The following ASAH2 variants were observed in gnomAD, a reference collection of about 807,000 sequenced individuals.
ASAH2 encodes the protein neutral ceramidase.
Under a neutral mutation model 82.9 loss-of-function variants are expected in ASAH2, and 58 were observed. The observed-to-expected ratio is 0.70, with a 90% CI of 0.57 to 0.87. The LOEUF is 0.87. Ranked by LOEUF, ASAH2 falls within the 40% of genes least tolerant of loss-of-function variation. ASAH2 has a pLI of 0.00. For missense variants in ASAH2, 779 were observed against 834.0 expected (o/e 0.93, Z 0.81); for synonymous variants, 276 against 289.7 (o/e 0.95, Z 0.48).
At position 50,214,875 on chromosome 10, in the gene ASAH2, A is replaced by G. The variant is rs1477500240; in HGVS notation, c.1015-7T>C. 2 of 1,613,286 alleles carry G rather than the reference A, an allele frequency of 1.2e-6. No individual in the cohort carries two copies. The highest frequency in any genetic ancestry group is 4.5e-5 in the East Asian group (2 of 44,864). On this transcript the variant is annotated splice_region_variant and splice_polypyrimidine_tract_variant and intron_variant, in intron 8 of 20. Coordinates refer to ENST00000682911, the MANE Select transcript of ASAH2 (RefSeq NM_019893.4). ...AGGCTGCTACAAATGGCCCCTGCCA[A>G]AAGAAATGCCAAGTTGCCTTTTATT...
rs1269281172 is a variant in ASAH2, at chr10:50,187,232, T to G, written c.*83A>C. On this transcript the variant is annotated 3_prime_UTR_variant, in exon 21 of 21. Coordinates refer to ENST00000682911, the MANE Select transcript of ASAH2 (RefSeq NM_019893.4). The stretch of plus-strand genomic sequence containing the variant: ...ACGATTATAGAAGTCAACATGGTAG[T>G]TCACTAGTTCACATTCATTTGAAAT... 1 of 97,626 alleles carries G rather than the reference T, an allele frequency of 1.0e-5. No homozygotes were observed. The highest frequency in any genetic ancestry group is 2.0e-5 in the Non-Finnish European group (1 of 48,888). The allele number at this position is 97,626 out of a possible 1,614,324, so 6.0% of individuals were successfully genotyped here.
At chr10:50,194,350 G>T (rs1323832188) in intron 18 of ASAH2, among the ~76,000 whole-genome samples, 1 of 151,520 alleles carries the variant, frequency 6.6e-6, no homozygotes, top group Non-Finnish European at 1.5e-5. Context: ...GAAAACCAAT[G>T]AATGTAAATA....
At chr10:50,240,706 C>T (rs891003799) in intron 4 of ASAH2, among the ~76,000 whole-genome samples, 10 of 152,358 alleles carry the variant, frequency 6.6e-5, no homozygotes, top group African/African-American at 2.4e-4. Flanking sequence ...TTGTGCCTCT[C>T]TGTGTTCATT....
chr10:50,202,724 C>G (rs1358652516), intron 16 of ASAH2, 105 bp downstream of exon 16: 2 of 827,668 alleles, frequency 2.4e-6, no homozygotes, highest in Admixed American at 1.8e-5. Context: ...ACATAATCAT[C>G]TCTCAGAAAC....
chr10:50,219,479 G>A (rs1845689211), intron 7 of ASAH2, among the ~76,000 whole-genome samples: 1 of 152,140 alleles, frequency 6.6e-6, no homozygotes, highest in Admixed American at 6.5e-5. Context: ...CCCTCACACA[G>A]GTGAAAAGGA....
chr10:50,193,294 G>A (rs1299785824), intron 18 of ASAH2, among the ~76,000 whole-genome samples: 13 of 151,684 alleles, frequency 8.6e-5, no homozygotes, highest in East Asian at 1.9e-4. Flanking sequence ...CAGAGTTTAC[G>A]GGCCACGGCA....
chr10:50,198,901 T>C, intron 17 of ASAH2, 150 bp downstream of exon 17: 1 of 838,552 alleles, frequency 1.2e-6, no homozygotes, highest in South Asian at 1.5e-5. Flanking sequence ...TTTTGTAAAA[T>C]ATAAAGGTTG....
intron 4 of ASAH2, among the ~76,000 whole-genome samples, chr10:50,238,104 G>A (rs574663015): frequency 1.6e-4 from 24 of 152,152 alleles, no homozygotes; most frequent in Non-Finnish European, 3.5e-4. Flanking sequence ...TTTCTGTGAT[G>A]TAAAAACTCC....
chr10:50,228,274 A>G (rs1362939828), intron 7 of ASAH2, among the ~76,000 whole-genome samples: 1 of 152,202 alleles, frequency 6.6e-6, no homozygotes, highest in Non-Finnish European at 1.5e-5. Context: ...AGATGAGATG[A>G]AAAAAAGAGA....
chr10:50,219,830 T>G (rs1845696658), intron 7 of ASAH2, among the ~76,000 whole-genome samples: 1 of 152,214 alleles, frequency 6.6e-6, no homozygotes, highest in Non-Finnish European at 1.5e-5. Flanking sequence ...TGCTAGTTGG[T>G]ACAATAGGGA....
intron 12 of ASAH2, among the ~76,000 whole-genome samples, chr10:50,207,096 T>C (rs1235990340): frequency 6.6e-6 from 1 of 151,746 alleles, no homozygotes; most frequent in African/African-American, 2.4e-5. Context: ...AAGGAAGAAA[T>C]CAAAGGAAAA....
At chr10:50,196,389 A>C (rs2133195608) in intron 18 of ASAH2, among the ~76,000 whole-genome samples, 2 of 151,760 alleles carry the variant, frequency 1.3e-5, no homozygotes, top group South Asian at 4.2e-4. Flanking sequence ...TCCCCCCAGA[A>C]AAACTGTTGA....
intron 17 of ASAH2, among the ~76,000 whole-genome samples, chr10:50,198,110 G>A (rs1432029992): frequency 6.6e-6 from 1 of 151,802 alleles, no homozygotes; most frequent in Admixed American, 6.6e-5. Flanking sequence ...AATTTTCAAC[G>A]TTCAATTGAT....
At chr10:50,244,520 A>G (rs1466848588) in intron 3 of ASAH2, among the ~76,000 whole-genome samples, 2 of 152,186 alleles carry the variant, frequency 1.3e-5, no homozygotes, top group Non-Finnish European at 2.9e-5. Context: ...GAGGGAGTGA[A>G]TCCCATCAGA....
At chr10:50,237,454 GT>G (rs1347950957) in intron 4 of ASAH2, among the ~76,000 whole-genome samples, 2 of 152,182 alleles carry the variant, frequency 1.3e-5, no homozygotes, top group African/African-American at 4.8e-5. Context: ...CATATGACTT[GT>G]TCTAAAACAA....
Position 50,245,235 on chromosome 10 carries a change from G to A in ASAH2, c.347C>T (p.Ala116Val), listed in dbSNP as rs748519739. ...VGRADCTGQV[A>V]DINLMGYGKS... is the part of the protein sequence containing the mutation. ...TTGTCTACTTGCCAAATTGATATCT[G>A]CTACTTGTCCTGTGCAGTCAGCTCG... Residue 116 changes from alanine to valine, a missense_variant, in exon 3 of 21, where the codon GCA (alanine) becomes GTA (valine). Physicochemically the swap from Ala to Val is moderately conservative, Grantham distance 64 (BLOSUM62 0). Coordinates refer to ENST00000682911, the MANE Select transcript of ASAH2 (RefSeq NM_019893.4). The A allele has an allele frequency of 1.2e-6, 2 of 1,613,552 alleles. No homozygotes were observed. Among genetic ancestry groups the A allele is most frequent in the South Asian group, 2.2e-5 (2 of 91,038 alleles).
chr10:50,228,050 A>T (rs1202185749), intron 7 of ASAH2, among the ~76,000 whole-genome samples: 1 of 152,194 alleles, frequency 6.6e-6, no homozygotes, highest in Non-Finnish European at 1.5e-5. Flanking sequence ...GGGGCCAAGC[A>T]CAGTGGCTCA....
chr10:50,243,769 T>A (rs1846370983), intron 3 of ASAH2, among the ~76,000 whole-genome samples: 1 of 152,246 alleles, frequency 6.6e-6, no homozygotes, highest in Non-Finnish European at 1.5e-5. Flanking sequence ...TCTACCTCCA[T>A]CCCACATTGC....
At position 50,204,864 on chromosome 10, in the gene ASAH2, A is replaced by C; in HGVS notation, c.1622T>G (p.Phe541Cys). 1 of 1,605,936 alleles carries C rather than the reference A, an allele frequency of 6.2e-7. No individual in the cohort carries two copies. The highest frequency in any genetic ancestry group is 8.5e-7 in the Non-Finnish European group (1 of 1,174,082). ...AGTAATAAAAAGAAAAACTTACGTA[A>C]ACTCCCCGGGGATGGCAGTTATGGC... ...SLAITAIPGE[F>C]TTMSGRRLRE... Residue 541 changes from phenylalanine (F) to cysteine (C), a missense_variant, in exon 14 of 21, where the codon TTT becomes TGT. This residue lies in a region of ASAH2 where 759 missense variants were observed against 755.2 expected (regional missense o/e 1.00). Coordinates refer to ENST00000682911, the MANE Select transcript of ASAH2 (RefSeq NM_019893.4).
Sources: gnomAD v4.1 joint callset for allele counts (sites outside exome capture counted in the v4.1 genomes callset) on GRCh38, gnomAD v4.1.1 for gene constraint, gnomAD v4.1.1 regional missense constraint, MANE v1.5 for transcripts, NCBI Gene and HGNC (gene_info 2026-07-23, HGNC 2026-07-21) for gene names.